The following ANKRD30B variants were observed in gnomAD, a reference collection of about 807,000 sequenced individuals.
The protein encoded by ANKRD30B is ankyrin repeat domain-containing protein 30B.
In ANKRD30B, 144 loss-of-function variants were observed where a neutral mutation model predicts 202.2. The observed-to-expected ratio is 0.71, with a 90% CI of 0.62 to 0.82. The LOEUF (loss-of-function observed/expected upper bound fraction) is 0.82. Among genes scored for constraint, ANKRD30B ranks in the 40% least tolerant of loss-of-function variants. ANKRD30B has a pLI of 0.00. For missense variants in ANKRD30B, 1,487 were observed against 1,669.1 expected, an observed-to-expected ratio of 0.89 and a Z score of 1.90; for synonymous variants, 508 against 561.3, an observed-to-expected ratio of 0.91 and a Z score of 1.34.
intron 8 of ANKRD30B, 74 bp from the exon 9 acceptor site, chr18:14,772,082 A>T (rs1427720956): frequency 1.1e-6 from 1 of 918,206 alleles, no homozygotes; most frequent in Non-Finnish European, 1.5e-6. Flanking sequence ...AGTGAGCACC[A>T]AGATATGAAC....
intron 3 of ANKRD30B, among the ~76,000 whole-genome samples, chr18:14,754,453 G>A (rs554229810): frequency 6.6e-6 from 1 of 152,244 alleles, no homozygotes; most frequent in South Asian, 2.1e-4. Context: ...GGTGGAATCT[G>A]TTGGGGTACA....
chr18:14,855,926 G>C (rs1972092752), downstream of ANKRD30B, among the ~76,000 whole-genome samples: 1 of 150,698 alleles, frequency 6.6e-6, no homozygotes. Context: ...TCACCTCCCA[G>C]ATGAGGCGGC....
At chr18:14,772,068 A>G in intron 8 of ANKRD30B, 88 bp from the exon 9 acceptor site, 4 of 753,692 alleles carry the variant, frequency 5.3e-6, no homozygotes, top group Non-Finnish European at 7.9e-6. Flanking sequence ...TTTTCATTTT[A>G]TAGAGTGAGC....
At position 14,806,199 on chromosome 18, in the gene ANKRD30B, G is replaced by A. The variant is rs1316167240; in HGVS notation, c.2285-2352G>A. On this transcript the variant is annotated intron_variant, in intron 24 of 43. Transcript: ENST00000690538. ...CTCAACACTGCCCTCCAGCCTGGGT[G>A]ACAGGGCGAGACACCGCCAAAAAAA... Among the ~76,000 whole-genome samples, 3 of 143,502 alleles carry A rather than the reference G, an allele frequency of 2.1e-5. No individual in the cohort carries two copies. The East Asian group carries it at 6.0e-4, about 29-fold the overall frequency. 94.1% of individuals were successfully genotyped at this position (143,502 alleles called of 152,430 possible).
At chr18:14,934,300 C>T in the ANKRD30B span, among the ~76,000 whole-genome samples, 1 of 152,218 alleles carries the variant, frequency 6.6e-6, no homozygotes, top group Non-Finnish European at 1.5e-5. Flanking sequence ...AGGTGCTGGC[C>T]AGCGAGAGGC....
At chr18:14,781,634 C>T (rs1211730968) in intron 11 of ANKRD30B, among the ~76,000 whole-genome samples, 1 of 27,456 alleles carries the variant, frequency 3.6e-5, no homozygotes, top group East Asian at 7.8e-4. Flanking sequence ...CTCCAGGAGG[C>T]ACCAGCTGCA....
downstream of ANKRD30B, among the ~76,000 whole-genome samples, chr18:14,856,090 G>A (rs1362952451): frequency 7.1e-6 from 1 of 141,736 alleles, no homozygotes; most frequent in African/African-American, 2.6e-5. Context: ...GGGTGGCCGG[G>A]CAGAGGCGCT....
chr18:14,789,857 T>C (rs1171230763), intron 15 of ANKRD30B, among the ~76,000 whole-genome samples: 1 of 151,958 alleles, frequency 6.6e-6, no homozygotes, highest in Non-Finnish European at 1.5e-5. Flanking sequence ...TGGCTTAGGA[T>C]TGACTTGGAG....
At chr18:14,916,288 G>C in the ANKRD30B span, among the ~76,000 whole-genome samples, 1 of 152,222 alleles carries the variant, frequency 6.6e-6, no homozygotes, top group Admixed American at 6.5e-5. Flanking sequence ...CGTCAGGGAG[G>C]GGGCAGATGT....
the ANKRD30B span, among the ~76,000 whole-genome samples, chr18:14,934,015 A>T: frequency 6.6e-6 from 1 of 152,106 alleles, no homozygotes; most frequent in Non-Finnish European, 1.5e-5. Flanking sequence ...CGTACCCCAG[A>T]CCATCCTTCC....
At chr18:14,827,563 C>G (rs1457605783) in intron 32 of ANKRD30B, among the ~76,000 whole-genome samples, 1 of 152,102 alleles carries the variant, frequency 6.6e-6, no homozygotes, top group African/African-American at 2.4e-5. Flanking sequence ...GGAGAAAATC[C>G]TCCACACATT....
rs568601449 is a variant in ANKRD30B at position 14,764,518 on chromosome 18, C to T, written c.1225+428C>T. 9.2e-5 allele frequency among the ~76,000 whole-genome samples: 14 copies of T among 152,176 alleles called. No individual in the cohort carries two copies. The South Asian group carries it at 2.5e-3, about 27-fold the overall frequency. On this transcript the variant is annotated intron_variant, in intron 7 of 43. Transcript: ENST00000690538. Reference sequence around the variant, plus strand: ...ATGCAATTCTCCTGCCTCAGCCTCCCAAGTAGCTGGGATTACAGGCACCCA... The same window carrying T: ...ATGCAATTCTCCTGCCTCAGCCTCCTAAGTAGCTGGGATTACAGGCACCCA...
At chr18:14,782,739 T>A (rs1343510569) in intron 12 of ANKRD30B, 125 bp downstream of exon 12, 28 of 535,122 alleles carry the variant, frequency 5.2e-5, no homozygotes, top group Non-Finnish European at 6.9e-5. Context: ...AAGAGAGGAG[T>A]AAAATGATAA....
chr18:14,919,085 G>A, the ANKRD30B span, among the ~76,000 whole-genome samples: 1 of 152,154 alleles, frequency 6.6e-6, no homozygotes, highest in African/African-American at 2.4e-5. Flanking sequence ...CTCGGTTCCA[G>A]GTATCCTGTG....
the ANKRD30B span, among the ~76,000 whole-genome samples, chr18:14,862,262 A>G: frequency 2.0e-5 from 3 of 150,986 alleles, no homozygotes; most frequent in Admixed American, 6.6e-5. Context: ...GTAGAAGGAA[A>G]TAACAAAGGT....
intron 24 of ANKRD30B, among the ~76,000 whole-genome samples, chr18:14,806,012 A>T (rs2144027524): frequency 6.6e-6 from 1 of 150,478 alleles, no homozygotes; most frequent in Non-Finnish European, 1.5e-5. Flanking sequence ...CGAGGTCAGG[A>T]GATCCAGACC....
intron 16 of ANKRD30B, among the ~76,000 whole-genome samples, chr18:14,794,153 A>T (rs547081681): frequency 6.6e-6 from 1 of 152,192 alleles, no homozygotes. Context: ...TCCTGATTTT[A>T]AAAAACTCCA....
chr18:14,810,169 C>A lies in ANKRD30B; in HGVS notation c.2477C>A (p.Thr826Lys), dbSNP rs775765024. Residue 826 changes from threonine (T) to lysine (K), a missense_variant, in exon 28 of 44, where the codon ACA (threonine) becomes AAA (lysine). Coordinates refer to ENST00000690538, the MANE Select transcript of ANKRD30B (RefSeq NM_001367607.2). ...NKALELKDRE[T>K]LKAAQMFPSE... is the part of the protein sequence containing the mutation. Reference sequence around the variant, plus strand: ...GCCTTAGAATTAAAGGACAGAGAAACATTAAAAGCAGGTAAACTTTGTAAT... The same window carrying A: ...GCCTTAGAATTAAAGGACAGAGAAAAATTAAAAGCAGGTAAACTTTGTAAT... 2 of 1,410,906 alleles carry A rather than the reference C, an allele frequency of 1.4e-6. No individual in the cohort carries two copies. The highest frequency in any genetic ancestry group is 9.7e-7 in the Non-Finnish European group (1 of 1,034,642). The allele number at this position is 1,410,906 out of a possible 1,614,324, so 87.4% of individuals were successfully genotyped here.
the ANKRD30B span, among the ~76,000 whole-genome samples, chr18:14,871,373 G>T: frequency 6.6e-6 from 1 of 151,208 alleles, no homozygotes; most frequent in Non-Finnish European, 1.5e-5. Flanking sequence ...GCACAGGACT[G>T]TGTGCAGCAT....
Sources: gnomAD v4.1 joint callset for allele counts (sites outside exome capture counted in the v4.1 genomes callset) on GRCh38, gnomAD v4.1.1 for gene constraint, MANE v1.5 for transcripts, NCBI Gene and HGNC (gene_info 2026-07-23, HGNC 2026-07-21) for gene names.